The following PTPRT variants were observed in gnomAD, a reference collection of about 807,000 sequenced individuals.
PTPRT encodes the protein receptor-type tyrosine-protein phosphatase T.
A neutral mutation model predicts 176.8 loss-of-function variants in PTPRT; 56 were observed. The ratio of observed to expected loss-of-function variants is 0.32; its 90% confidence interval spans 0.26 to 0.40. PTPRT has a LOEUF of 0.40. PTPRT is among the 10% of genes least tolerant of loss of function. The probability of loss-of-function intolerance (pLI) is 1.00; values close to 1 mark genes in which losing one functional copy is unlikely to be tolerated. For missense variants in PTPRT, 1,540 were observed against 1,908.2 expected (o/e 0.81, Z 3.60); for synonymous variants, 783 against 739.0 (o/e 1.06, Z -0.96).
chr20:42,645,497 A>C (rs1287741915), intron 7 of PTPRT, among the ~76,000 whole-genome samples: 1 of 152,150 alleles, frequency 6.6e-6, no homozygotes, highest in Non-Finnish European at 1.5e-5. Flanking sequence ...CTGTGTTTTC[A>C]GGGATCACCT....
In PTPRT at chr20:42,073,857, G is replaced by A. The variant is rs912943896; in HGVS notation, c.*7022C>T. On this transcript the variant is annotated 3_prime_UTR_variant, in exon 31 of 31. Transcript: ENST00000373187. ...AAGATCTCACCCATCTGGAATGGAA[G>A]TGACCTGAAATCCATTTCACCAATG... The A allele has an allele frequency of 2.6e-5, 6 of 228,194 alleles. No individual in the cohort carries two copies. The Admixed American group carries it at 3.4e-4, about 13-fold the overall frequency. The allele number at this position is 228,194 out of a possible 1,614,324, so 14.1% of individuals were successfully genotyped here.
chr20:42,555,896 G>A (rs1171263476), intron 7 of PTPRT, among the ~76,000 whole-genome samples: 1 of 152,130 alleles, frequency 6.6e-6, no homozygotes, highest in East Asian at 1.9e-4. Context: ...GGAGGGACGT[G>A]AGCAAGGAAA....
At chr20:42,932,174 C>T (rs1979898074) in intron 1 of PTPRT, among the ~76,000 whole-genome samples, 1 of 152,216 alleles carries the variant, frequency 6.6e-6, no homozygotes, top group Admixed American at 6.5e-5. Context: ...AGGCAGGGCC[C>T]CATCCCTGAG....
At chr20:42,855,816 C>T (rs1309618155) in intron 2 of PTPRT, among the ~76,000 whole-genome samples, 1 of 152,136 alleles carries the variant, frequency 6.6e-6, no homozygotes, top group Non-Finnish European at 1.5e-5. Context: ...GATATAGCTC[C>T]TAATTTGAAG....
At chr20:42,721,416 G>A (rs2076300614) in intron 6 of PTPRT, among the ~76,000 whole-genome samples, 3 of 152,282 alleles carry the variant, frequency 2.0e-5, no homozygotes, top group Admixed American at 6.5e-5. Flanking sequence ...TTGGCGGTGT[G>A]GGTGGATGGA....
At chr20:42,733,336 A>G (rs1401523855) in intron 6 of PTPRT, among the ~76,000 whole-genome samples, 1 of 152,208 alleles carries the variant, frequency 6.6e-6, no homozygotes, top group Non-Finnish European at 1.5e-5. Flanking sequence ...CATTTATACA[A>G]GCAAACAGAT....
chr20:42,287,143 A>G (rs1429379059), intron 12 of PTPRT, among the ~76,000 whole-genome samples: 5 of 152,020 alleles, frequency 3.3e-5, no homozygotes, highest in African/African-American at 1.2e-4. Context: ...ATGGGAATGT[A>G]AACTAGTTCA....
At chr20:43,057,865 T>A (rs1568758676) in intron 1 of PTPRT, among the ~76,000 whole-genome samples, 1 of 152,234 alleles carries the variant, frequency 6.6e-6, no homozygotes. Flanking sequence ...TTATTCTTTG[T>A]CTTCCTTCTA....
chr20:43,038,718 C>G (rs1480939140), intron 1 of PTPRT, among the ~76,000 whole-genome samples: 1 of 152,052 alleles, frequency 6.6e-6, no homozygotes, highest in Non-Finnish European at 1.5e-5. Context: ...TAACTGAAAA[C>G]TGTTGGAAAT....
intron 7 of PTPRT, among the ~76,000 whole-genome samples, chr20:42,622,014 C>T (rs1487920040): frequency 6.6e-6 from 1 of 152,182 alleles, no homozygotes; most frequent in Non-Finnish European, 1.5e-5. Context: ...AAAGTACTCT[C>T]AGATTCAAAT....
intron 7 of PTPRT, among the ~76,000 whole-genome samples, chr20:42,589,787 A>C (rs1421082986): frequency 6.6e-6 from 1 of 152,142 alleles, no homozygotes; most frequent in Non-Finnish European, 1.5e-5. Context: ...TTCAAGTCTA[A>C]ACCCAGAATA....
chr20:42,954,054 G>A (rs937708591), intron 1 of PTPRT, among the ~76,000 whole-genome samples: 21 of 152,096 alleles, frequency 1.4e-4, no homozygotes, highest in Non-Finnish European at 2.6e-4. Context: ...GGGACTCTAA[G>A]ACCTCCCGTG....
In PTPRT at chr20:42,199,466, C is replaced by T; in HGVS notation, c.2343-78G>A. 3 of 1,469,420 alleles carry T rather than the reference C, an allele frequency of 2.0e-6. No homozygotes were observed. The South Asian group carries it at 4.0e-5, about 20-fold the overall frequency. The allele number at this position is 1,469,420 out of a possible 1,614,324, so 91.0% of individuals were successfully genotyped here. A position where few individuals can be genotyped will look rare whatever the true frequency, so the allele number is the denominator to read the frequency against. ...TTAAAGCATTGGGTAGATTGTTCTT[C>T]CCCAATGCTCATCCTCAACCCCCAA... On this transcript the variant is annotated intron_variant, in intron 15 of 30. Transcript: ENST00000373187.
At chr20:42,822,976 T>G (rs954765509) in intron 2 of PTPRT, among the ~76,000 whole-genome samples, 1 of 152,200 alleles carries the variant, frequency 6.6e-6, no homozygotes, top group Admixed American at 6.5e-5. Flanking sequence ...GAAAACAGTA[T>G]GGCAATTCCT....
intron 6 of PTPRT, among the ~76,000 whole-genome samples, chr20:42,683,631 G>A (rs1483365214): frequency 6.6e-6 from 1 of 152,132 alleles, no homozygotes; most frequent in African/African-American, 2.4e-5. Flanking sequence ...ACTGCTTCAT[G>A]ACGACTTACT....
In PTPRT at chr20:42,077,513, G is replaced by C. The variant is rs769795666; in HGVS notation, c.*3366C>G. 1.4e-5 allele frequency: 3 copies of C among 219,836 alleles called. No individual in the cohort carries two copies. Among genetic ancestry groups the C allele is most frequent in the African/African-American group, 2.2e-5 (1 of 44,610 alleles). The allele number at this position is 219,836 out of a possible 1,614,324, so 13.6% of individuals were successfully genotyped here. On this transcript the variant is annotated 3_prime_UTR_variant, in exon 31 of 31. Transcript: ENST00000373187. The stretch of plus-strand genomic sequence containing the variant: ...AGGCTGAGCTCACCCTGTAAATGGG[G>C]TGGGGTGGGGAGACCCCCTGGGGGT...
At chr20:42,259,749 G>T (rs559183694) in intron 13 of PTPRT, among the ~76,000 whole-genome samples, 1 of 152,322 alleles carries the variant, frequency 6.6e-6, no homozygotes, top group Admixed American at 6.5e-5. Context: ...TACGGCTCGG[G>T]TTTAGAAGTG....
intron 2 of PTPRT, among the ~76,000 whole-genome samples, chr20:42,796,820 G>A (rs2077462006): frequency 6.6e-6 from 1 of 152,150 alleles, no homozygotes; most frequent in Non-Finnish European, 1.5e-5. Context: ...CTTCTAACAA[G>A]GGGTCCCTGG....
chr20:42,549,745 T>C (rs1438193003), intron 7 of PTPRT, among the ~76,000 whole-genome samples: 2 of 152,116 alleles, frequency 1.3e-5, no homozygotes, highest in Non-Finnish European at 2.9e-5. Flanking sequence ...GGTTGTGGTT[T>C]ATGTGATGCA....
Sources: gnomAD v4.1 joint callset for allele counts (sites outside exome capture counted in the v4.1 genomes callset) on GRCh38, gnomAD v4.1.1 for gene constraint, MANE v1.5 for transcripts, NCBI Gene and HGNC (gene_info 2026-07-23, HGNC 2026-07-21) for gene names.